PXDN: variants seen among roughly 807,000 people sequenced by gnomAD.
PXDN encodes the protein peroxidasin.
Under a neutral mutation model 140.3 loss-of-function variants are expected in PXDN, and 77 were observed. The observed-to-expected ratio is 0.55, with a 90% CI of 0.46 to 0.66. The LOEUF is 0.66. Among genes scored for constraint, PXDN ranks in the 30% least tolerant of loss-of-function variants. PXDN has a pLI of 0.00. For synonymous variants in PXDN, 911 were observed against 857.4 expected, an observed-to-expected ratio of 1.06 and a Z score of -1.09; for missense variants, 1,838 against 2,039.5, an observed-to-expected ratio of 0.90 and a Z score of 1.90.
rs1682642332 is a variant in PXDN, at chr2:1,638,924, G to C, written c.4128C>G (p.Arg1376=). ...LSNSTSAFST[R]SDASGTNDFR... ...AGTCATTTGTCCCAGATGCATCTGA[G>C]CGTGTGCTGAAGGCTGAGGTGCTGT... The change falls in exon 21 of 23, where the codon CGC becomes CGG. Residue 1376 remains arginine (R), a synonymous_variant. Coordinates refer to ENST00000252804, the MANE Select transcript of PXDN (RefSeq NM_012293.3). 6.2e-7 allele frequency: 1 copy of C among 1,613,894 alleles called. No individual in the cohort carries two copies. The highest frequency in any genetic ancestry group is 1.3e-5 in the African/African-American group (1 of 74,932).
intron 1 of PXDN, among the ~76,000 whole-genome samples, chr2:1,723,883 A>G (rs1685112512): frequency 1.3e-5 from 2 of 152,228 alleles, no homozygotes; most frequent in Admixed American, 1.3e-4. Context: ...TGAGTAAGTT[A>G]CAATCATGAG....
intron 9 of PXDN, among the ~76,000 whole-genome samples, chr2:1,667,446 G>A (rs1013676188): frequency 5.9e-5 from 9 of 152,222 alleles, no homozygotes; most frequent in Admixed American, 4.6e-4. Context: ...GGAAGAAAGC[G>A]GTAAATTCCT....
At chr2:1,738,552 C>CTTTT in intron 1 of PXDN, among the ~76,000 whole-genome samples, 1 of 147,788 alleles carries the variant, frequency 6.8e-6, no homozygotes, top group East Asian at 2.0e-4. Context: ...GATCTTCAAA[C>CTTTT]TTTTTTTTTT....
chr2:1,706,680 G>A (rs57351826), intron 1 of PXDN, among the ~76,000 whole-genome samples: 492 of 24,034 alleles, frequency 0.02, no homozygotes, highest in Middle Eastern at 0.075. Context: ...TCTAAGCATC[G>A]CCTGCCCCAC....
At chr2:1,661,631 G>A (rs1008259461) in intron 13 of PXDN, among the ~76,000 whole-genome samples, 1 of 152,204 alleles carries the variant, frequency 6.6e-6, no homozygotes, top group Non-Finnish European at 1.5e-5. Context: ...GGAATTCACA[G>A]AAACACGGGT....
chr2:1,727,890 T>C (rs1298779435), intron 1 of PXDN, among the ~76,000 whole-genome samples: 1 of 152,240 alleles, frequency 6.6e-6, no homozygotes, highest in East Asian at 1.9e-4. Context: ...ACTGCTAAAC[T>C]GTTCACTGTC....
At chr2:1,659,812 A>T (rs568014340) in intron 14 of PXDN, among the ~76,000 whole-genome samples, 2 of 152,318 alleles carry the variant, frequency 1.3e-5, no homozygotes, top group South Asian at 4.1e-4. Flanking sequence ...ATAATTCTTA[A>T]AAGTCTTTGA....
intron 1 of PXDN, among the ~76,000 whole-genome samples, chr2:1,711,946 C>G (rs1290175372): frequency 1.3e-5 from 2 of 152,208 alleles, no homozygotes; most frequent in East Asian, 3.8e-4. Context: ...ACTCAACCAG[C>G]GGCTCCCATC....
At chr2:1,742,528 G>A (rs984323383) in intron 1 of PXDN, among the ~76,000 whole-genome samples, 22 of 152,184 alleles carry the variant, frequency 1.4e-4, no homozygotes, top group African/African-American at 5.3e-4. Flanking sequence ...TGTGTCCTAC[G>A]ACACTTATTT....
At chr2:1,663,013 C>T (rs1572138579) in intron 12 of PXDN, among the ~76,000 whole-genome samples, 1 of 152,196 alleles carries the variant, frequency 6.6e-6, no homozygotes, top group African/African-American at 2.4e-5. Context: ...GGGGGCTGGG[C>T]CAGGGGCCTT....
chr2:1,719,138 A>T (rs1296943956), intron 1 of PXDN, among the ~76,000 whole-genome samples: 1 of 152,166 alleles, frequency 6.6e-6, no homozygotes, highest in Non-Finnish European at 1.5e-5. Context: ...CCCTGCGGCC[A>T]TGCCTCCCAC....
intron 13 of PXDN, 70 bp from the exon 14 acceptor site, chr2:1,661,107 T>C: frequency 1.9e-6 from 3 of 1,565,980 alleles, no homozygotes; most frequent in South Asian, 2.3e-5. Context: ...GACCTAGGGT[T>C]GGGGGAGGGG....
At chr2:1,726,649 T>C (rs1685193214) in intron 1 of PXDN, among the ~76,000 whole-genome samples, 2 of 152,204 alleles carry the variant, frequency 1.3e-5, no homozygotes, top group African/African-American at 4.8e-5. Flanking sequence ...GTTTGTTTTT[T>C]GTTTGTTTTA....
intron 2 of PXDN, chr2:1,692,518 C>T (rs1421073491): frequency 6.4e-6 from 3 of 471,630 alleles, no homozygotes; most frequent in Non-Finnish European, 1.3e-5. Context: ...TCCCCATGAC[C>T]CTGCTCTTAC....
intron 9 of PXDN, 43 bp downstream of exon 9, chr2:1,673,600 A>G: frequency 6.3e-7 from 1 of 1,580,154 alleles, no homozygotes; most frequent in Non-Finnish European, 8.6e-7. Flanking sequence ...GTGAGGGACG[A>G]CAATTCTGGA....
intron 6 of PXDN, among the ~76,000 whole-genome samples, chr2:1,680,954 A>T (rs1363690718): frequency 6.6e-6 from 1 of 152,212 alleles, no homozygotes; most frequent in Admixed American, 6.5e-5. Flanking sequence ...TGTCCCAACA[A>T]GGGGAACACG....
chr2:1,731,457 A>G (rs1470274005), intron 1 of PXDN, among the ~76,000 whole-genome samples: 1 of 152,146 alleles, frequency 6.6e-6, no homozygotes, highest in African/African-American at 2.4e-5. Flanking sequence ...GGGAGCAGAG[A>G]GCCTTCACAT....
chr2:1,670,647 G>A (rs772948950), intron 9 of PXDN, among the ~76,000 whole-genome samples: 5 of 152,040 alleles, frequency 3.3e-5, no homozygotes, highest in South Asian at 2.1e-4. Flanking sequence ...ACAGAAGTAC[G>A]AACACCAAAG....
chr2:1,673,928 C>T, intron 8 of PXDN, 116 bp from the exon 9 acceptor site: 1 of 1,140,128 alleles, frequency 8.8e-7, no homozygotes, highest in East Asian at 2.5e-5. Context: ...CGAGGAACAG[C>T]TCACCTTCCA....
Sources: gnomAD v4.1 joint callset for allele counts (sites outside exome capture counted in the v4.1 genomes callset) on GRCh38, gnomAD v4.1.1 for gene constraint, MANE v1.5 for transcripts, NCBI Gene and HGNC (gene_info 2026-07-23, HGNC 2026-07-21) for gene names.